Variants in BRCA1 observed in about 807,000 individuals in gnomAD.
BRCA1 encodes the protein BRCA1 DNA repair associated.
A neutral mutation model predicts 173.7 loss-of-function variants in BRCA1; 140 were observed. The observed-to-expected ratio is 0.81, with a 90% CI of 0.70 to 0.93. BRCA1 has a LOEUF of 0.93. Among genes scored for constraint, BRCA1 ranks in the 40% least tolerant of loss-of-function variants. BRCA1 has a pLI of 0.00. For synonymous variants in BRCA1, 662 were observed against 756.0 expected (o/e 0.88, Z 2.04); for missense variants, 1,983 against 2,172.5 (o/e 0.91, Z 1.73).
upstream of BRCA1, among the ~76,000 whole-genome samples, chr17:43,128,817 C>CTT (rs370442015): frequency 0.015 from 2,173 of 142,080 alleles, 54 homozygotes; most frequent in African/African-American, 0.049. Context: ...TCAGGCCACA[C>CTT]TTTTTTTTTT....
intron 2 of BRCA1, among the ~76,000 whole-genome samples, chr17:43,117,334 T>C (rs1261243717): frequency 6.6e-6 from 1 of 152,008 alleles, no homozygotes; most frequent in Non-Finnish European, 1.5e-5. Context: ...CTCAGCTACT[T>C]TGGAGACTAA....
At chr17:43,054,956 G>T (rs1333342561) in intron 19 of BRCA1, among the ~76,000 whole-genome samples, 2 of 151,888 alleles carry the variant, frequency 1.3e-5, no homozygotes, top group Non-Finnish European at 2.9e-5. Flanking sequence ...CACCATGTTG[G>T]CCAGGCTGGT....
intron 1 of BRCA1, among the ~76,000 whole-genome samples, chr17:43,145,782 G>C (rs111945186): frequency 0.014 from 2,137 of 151,744 alleles, 53 homozygotes; most frequent in African/African-American, 0.048. Flanking sequence ...TTTATTTTTT[G>C]GTACAACCAG....
chr17:43,082,320 G>A lies in BRCA1; in HGVS notation c.4357+84C>T, dbSNP rs1047528536. Reference sequence around the variant, plus strand: ...TGAGCAAGGATCATAAAATGTTGGAGCTAGGTCCTTACTCTTCAGAAGGAG... The same window carrying A: ...TGAGCAAGGATCATAAAATGTTGGAACTAGGTCCTTACTCTTCAGAAGGAG... On this transcript the variant is annotated intron_variant, in intron 12 of 22. Coordinates refer to ENST00000357654, the MANE Select transcript of BRCA1 (RefSeq NM_007294.4). The A allele has an allele frequency of 4.2e-6, 6 of 1,415,008 alleles. No homozygotes were observed. In the East Asian group the frequency reaches 1.1e-4, roughly 27 times the overall value. 87.7% of individuals were successfully genotyped at this position (1,415,008 alleles called of 1,614,324 possible).
intron 2 of BRCA1, among the ~76,000 whole-genome samples, chr17:43,120,759 C>T (rs188704587): frequency 6.6e-6 from 1 of 151,200 alleles, no homozygotes; most frequent in African/African-American, 2.4e-5. Context: ...AGCGAGACTC[C>T]GTCTCAAAAA....
At chr17:43,127,804 C>T (rs1004272862), upstream of BRCA1, among the ~76,000 whole-genome samples, 2 of 152,112 alleles carry the variant, frequency 1.3e-5, no homozygotes, top group Middle Eastern at 3.4e-3. Context: ...AGGGGTGGAT[C>T]ACGAGGTCAA....
At chr17:43,112,466 A>G (rs2055079739) in intron 3 of BRCA1, 1 of 152,184 alleles carries the variant, frequency 6.6e-6, no homozygotes, top group Non-Finnish European at 1.5e-5. Flanking sequence ...CTTAAAAATT[A>G]GCTGGGCAAA....
At chr17:43,063,488 T>C in intron 17 of BRCA1, 115 bp from the exon 18 acceptor site, 1 of 853,624 alleles carries the variant, frequency 1.2e-6, no homozygotes, top group Non-Finnish European at 1.9e-6. Context: ...AGAGGAGAGG[T>C]CCTTCCCTCT....
At chr17:43,095,372 A>C (rs1465504537) in intron 9 of BRCA1, among the ~76,000 whole-genome samples, 1 of 152,194 alleles carries the variant, frequency 6.6e-6, no homozygotes, top group African/African-American at 2.4e-5. Context: ...GCTTGAGTCC[A>C]GGAGTTTGAG....
intron 1 of BRCA1, among the ~76,000 whole-genome samples, chr17:43,151,921 T>G (rs889764919): frequency 5.9e-5 from 9 of 152,174 alleles, no homozygotes; most frequent in Non-Finnish European, 1.3e-4. Flanking sequence ...ATACATTTTT[T>G]TCTGTAGTAA....
chr17:43,073,526 T>C (rs2052547597), intron 14 of BRCA1, among the ~76,000 whole-genome samples: 1 of 152,116 alleles, frequency 6.6e-6, no homozygotes, highest in Non-Finnish European at 1.5e-5. Context: ...TTTTTGAGGA[T>C]TAAAAACTTT....
intron 2 of BRCA1, among the ~76,000 whole-genome samples, chr17:43,121,060 A>ACCGTGT (rs2055537172): frequency 6.9e-6 from 1 of 144,482 alleles, no homozygotes; most frequent in African/African-American, 2.6e-5. Flanking sequence ...ACAGAGCCAG[A>ACCGTGT]CTCCAACCCC....
intron 18 of BRCA1, 120 bp from the exon 19 acceptor site, chr17:43,057,255 A>C (rs2051541249): frequency 1.1e-6 from 1 of 917,662 alleles, no homozygotes; most frequent in African/African-American, 1.6e-5. Context: ...CACCCCTGTA[A>C]TCCTAGCACT....
At chr17:43,078,008 T>C (rs527460495) in intron 12 of BRCA1, among the ~76,000 whole-genome samples, 1 of 152,242 alleles carries the variant, frequency 6.6e-6, no homozygotes, top group Admixed American at 6.5e-5. Flanking sequence ...GTGATGGGAT[T>C]ACAGGCGTGA....
chr17:43,091,222 G>T, intron 10 of BRCA1, 190 bp from the exon 11 acceptor site: 3 of 849,116 alleles, frequency 3.5e-6, no homozygotes, highest in East Asian at 2.6e-5. Flanking sequence ...CCAGTAATTA[G>T]GATGTTAAAG....
At chr17:43,151,257 C>T (rs1030286226) in intron 1 of BRCA1, among the ~76,000 whole-genome samples, 2 of 152,172 alleles carry the variant, frequency 1.3e-5, no homozygotes, top group Non-Finnish European at 1.5e-5. Flanking sequence ...AACATTGTCA[C>T]AGTTTAACAG....
chr17:43,065,837 TCCAGATAA>T (rs1168009123), intron 16 of BRCA1, among the ~76,000 whole-genome samples: 1 of 152,228 alleles, frequency 6.6e-6, no homozygotes, highest in East Asian at 1.9e-4. Flanking sequence ...TTAATCCTGT[TCCAGATAA>T]CAGTTCTCTT....
chr17:43,090,508 G>A (rs957059303), intron 11 of BRCA1, among the ~76,000 whole-genome samples: 3 of 152,120 alleles, frequency 2.0e-5, no homozygotes, highest in Admixed American at 1.3e-4. Flanking sequence ...AGAATAGCTG[G>A]GATTACAAGG....
At chr17:43,048,778 A>T (rs1168861169) in intron 21 of BRCA1, among the ~76,000 whole-genome samples, 2 of 151,590 alleles carry the variant, frequency 1.3e-5, no homozygotes, top group African/African-American at 4.9e-5. Context: ...TCGGCCTCCC[A>T]AAGTGCTGGG....
Sources: gnomAD v4.1 joint callset for allele counts (sites outside exome capture counted in the v4.1 genomes callset) on GRCh38, gnomAD v4.1.1 for gene constraint, MANE v1.5 for transcripts, NCBI Gene and HGNC (gene_info 2026-07-23, HGNC 2026-07-21) for gene names.